Variants in MYT1L observed in about 807,000 individuals in gnomAD.
The protein encoded by MYT1L is myelin transcription factor 1 like, also known as myelin transcription factor 1-like protein.
A neutral mutation model predicts 126.7 loss-of-function variants in MYT1L; 12 were observed. The observed-to-expected ratio is 0.09, with a 90% CI of 0.06 to 0.15. The LOEUF (loss-of-function observed/expected upper bound fraction) is 0.15, where lower values mean the gene tolerates loss of function less well. Ranked by LOEUF, MYT1L falls within the 10% of genes least tolerant of loss-of-function variation. MYT1L has a pLI of 1.00. For missense variants in MYT1L, 979 were observed against 1,585.2 expected, an observed-to-expected ratio of 0.62 and a Z score of 6.49; for synonymous variants, 541 against 604.2, an observed-to-expected ratio of 0.90 and a Z score of 1.53.
At chr2:2,011,443 G>GT (rs1232007398) in intron 4 of MYT1L, among the ~76,000 whole-genome samples, 1 of 151,164 alleles carries the variant, frequency 6.6e-6, no homozygotes, top group Non-Finnish European at 1.5e-5. Context: ...AAAAAAAACT[G>GT]TAACTATACA....
chr2:2,005,513 T>TGTGTTCTTTCCTGCAA, intron 4 of MYT1L, among the ~76,000 whole-genome samples: 1 of 147,296 alleles, frequency 6.8e-6, no homozygotes, highest in Non-Finnish European at 1.5e-5. Flanking sequence ...CTTTCCTGCA[T>TGTGTTCTTTCCTGCAA]GTGTTCTTTC....
At chr2:2,180,618 CTG>C (rs962520608) in intron 2 of MYT1L, among the ~76,000 whole-genome samples, 2 of 120,034 alleles carry the variant, frequency 1.7e-5, no homozygotes, top group Non-Finnish European at 3.7e-5. Flanking sequence ...GCTTATGTAC[CTG>C]TGTGTAGCTG....
chr2:2,308,674 A>G (rs1232542583), intron 1 of MYT1L, among the ~76,000 whole-genome samples: 1 of 151,812 alleles, frequency 6.6e-6, no homozygotes, highest in Admixed American at 6.6e-5. Flanking sequence ...CTCTACCTAT[A>G]TCTTACCTAC....
intron 4 of MYT1L, among the ~76,000 whole-genome samples, chr2:1,998,437 G>A (rs968262752): frequency 6.6e-6 from 1 of 152,120 alleles, no homozygotes; most frequent in African/African-American, 2.4e-5. Context: ...CCCAGAATTC[G>A]CAAATCTTTT....
chr2:2,012,513 A>G (rs1289819049), intron 4 of MYT1L, among the ~76,000 whole-genome samples: 2 of 152,228 alleles, frequency 1.3e-5, no homozygotes, highest in Non-Finnish European at 2.9e-5. Context: ...AAAATGTTCT[A>G]AAGTTGACTG....
chr2:2,218,308 A>G (rs1278319755), intron 2 of MYT1L, among the ~76,000 whole-genome samples: 2 of 152,238 alleles, frequency 1.3e-5, no homozygotes, highest in East Asian at 3.8e-4. Context: ...TAAATTGGAA[A>G]TGATACAAAT....
At chr2:1,960,073 G>A (rs1005939494) in intron 8 of MYT1L, among the ~76,000 whole-genome samples, 11 of 152,148 alleles carry the variant, frequency 7.2e-5, no homozygotes, top group Admixed American at 7.2e-4. Context: ...TGGAGCACAC[G>A]GGAGATGAAA....
rs1196079497 is a variant in MYT1L, at chr2:1,852,646, C to T, written c.2712-943G>A. Among the ~76,000 whole-genome samples, 1 of 152,136 alleles carries T rather than the reference C, an allele frequency of 6.6e-6. No homozygotes were observed. The highest frequency in any genetic ancestry group is 2.4e-5 in the African/African-American group (1 of 41,402). ...CTTTGAGCTATTTCAGTTGCATTTG[C>T]GCCCACCATGAATGTAAAAATTAAG... On this transcript the variant is annotated intron_variant, in intron 18 of 24. Transcript: ENST00000647738. This position sits in a 1 kb window ranked among gnomAD's most constrained non-coding sequence, Gnocchi z 4.0.
At position 2,317,271 on chromosome 2, in the gene MYT1L, C is replaced by A. The variant is rs114845990; in HGVS notation, c.-521+13696G>T. ...TCCTGGTGTTGGGTTTGCATTTGCA[C>A]GTCTCTGCAAAATGGTGACAAACAA... On this transcript the variant is annotated intron_variant, in intron 1 of 24. Coordinates refer to ENST00000647738, the MANE Select transcript of MYT1L (RefSeq NM_001303052.2). Among the ~76,000 whole-genome samples the A allele has an allele frequency of 4.0e-3, 614 of 152,246 alleles. 5 individuals carry two copies. Among genetic ancestry groups the A allele is most frequent in the African/African-American group, 0.014 (577 of 41,536 alleles).
At chr2:2,131,537 C>A (rs17247373) in intron 3 of MYT1L, among the ~76,000 whole-genome samples, 5,399 of 152,218 alleles carry the variant, frequency 0.035, 111 homozygotes, top group East Asian at 0.078. Flanking sequence ...AGCCTTTGGA[C>A]ATATGGTTAC....
chr2:2,027,637 T>C (rs2065784879), intron 4 of MYT1L, among the ~76,000 whole-genome samples: 1 of 152,218 alleles, frequency 6.6e-6, no homozygotes, highest in African/African-American at 2.4e-5. Context: ...TGCAATATAA[T>C]GACCAAAGAA....
rs192127123 is a variant in MYT1L, at chr2:2,143,018, C to T, written c.-304+29854G>A. ...TTTTTAAAAAGTTGTAGGCTGGGCG[C>T]GGTGGCTCGAGCCTGTAATCCCAGC... On this transcript the variant is annotated intron_variant, in intron 3 of 24. Transcript: ENST00000647738. Among the ~76,000 whole-genome samples, 10 of 149,180 alleles carry T rather than the reference C, an allele frequency of 6.7e-5. No homozygotes were observed. The East Asian group carries it at 1.5e-3, about 23-fold the overall frequency.
At chr2:2,314,820 G>A (rs6727254) in intron 1 of MYT1L, among the ~76,000 whole-genome samples, 37,556 of 152,004 alleles carry the variant, frequency 0.25, 4,882 homozygotes, top group South Asian at 0.4. Context: ...TACTGGTACA[G>A]AAACAGACAC....
chr2:2,120,232 C>A (rs1168403285), intron 3 of MYT1L, among the ~76,000 whole-genome samples: 1 of 152,096 alleles, frequency 6.6e-6, no homozygotes, highest in Non-Finnish European at 1.5e-5. Context: ...ACATTCACAG[C>A]CCTGGGAGGG....
At chr2:1,794,256 C>T (rs78190547) in intron 23 of MYT1L, among the ~76,000 whole-genome samples, 3,434 of 152,330 alleles carry the variant, frequency 0.023, 125 homozygotes, top group African/African-American at 0.077. Flanking sequence ...GCAGAGGCCT[C>T]GCCATCGCTG....
chr2:1,956,510 TA>T (rs2058444863), intron 8 of MYT1L, among the ~76,000 whole-genome samples: 1 of 89,860 alleles, frequency 1.1e-5, no homozygotes, highest in African/African-American at 4.4e-5. Flanking sequence ...TTTCCTATTC[TA>T]TCTATCTATC....
At chr2:2,270,607 A>G (rs942740204) in intron 2 of MYT1L, among the ~76,000 whole-genome samples, 1 of 152,088 alleles carries the variant, frequency 6.6e-6, no homozygotes, top group Non-Finnish European at 1.5e-5. Context: ...CAGCCAATCC[A>G]AGCAATGAAA....
chr2:2,002,623 A>G (rs899087570), intron 4 of MYT1L, among the ~76,000 whole-genome samples: 2 of 152,174 alleles, frequency 1.3e-5, no homozygotes, highest in South Asian at 2.1e-4. Flanking sequence ...CTCACAGGGT[A>G]GGGTCAATGT....
At chr2:2,262,933 ACC>A (rs1235081098) in intron 2 of MYT1L, among the ~76,000 whole-genome samples, 1,050 of 36,178 alleles carry the variant, frequency 0.029, 188 homozygotes, top group African/African-American at 0.11. Context: ...TATATATATA[ACC>A]TGTGATATAT....
Sources: gnomAD v4.1 joint callset for allele counts (sites outside exome capture counted in the v4.1 genomes callset) on GRCh38, gnomAD v4.1.1 for gene constraint, Gnocchi (gnomAD v3.1) non-coding constraint, MANE v1.5 for transcripts, NCBI Gene and HGNC (gene_info 2026-07-23, HGNC 2026-07-21) for gene names.